Variants in NKAIN2 observed in about 807,000 individuals in gnomAD.
NKAIN2 encodes sodium/potassium transporting ATPase interacting 2, also known as sodium/potassium-transporting ATPase subunit beta-1-interacting protein 2.
Under a neutral mutation model 32.6 loss-of-function variants are expected in NKAIN2, and 14 were observed. That is an observed-to-expected ratio of 0.43 (90% CI 0.28 to 0.67). NKAIN2 has a LOEUF of 0.67. NKAIN2 is among the 30% of genes least tolerant of loss of function. The pLI, the probability that NKAIN2 is intolerant of heterozygous loss-of-function variation, is 0.17. For synonymous variants in NKAIN2, 80 were observed against 87.2 expected (o/e 0.92, Z 0.46); for missense variants, 198 against 258.3 (o/e 0.77, Z 1.60).
At chr6:124,616,437 C>CTTTTTTTTTTTTTTTTTTTTTTTTTTTTT (rs79406895) in intron 3 of NKAIN2, among the ~76,000 whole-genome samples, 1 of 70,444 alleles carries the variant, frequency 1.4e-5, no homozygotes, top group Non-Finnish European at 2.6e-5. Context: ...TCTTTTCTTT[C>CTTTTTTTTTTTTTTTTTTTTTTTTTTTTT]TTTTTTTTTT....
At chr6:124,245,222 C>T (rs1793333127) in intron 1 of NKAIN2, among the ~76,000 whole-genome samples, 2 of 152,170 alleles carry the variant, frequency 1.3e-5, no homozygotes, top group South Asian at 4.1e-4. Context: ...ACATTTAATC[C>T]ATCTGGTTTA....
At chr6:124,606,752 T>C (rs1331585687) in intron 3 of NKAIN2, among the ~76,000 whole-genome samples, 2 of 152,152 alleles carry the variant, frequency 1.3e-5, no homozygotes, top group African/African-American at 4.8e-5. Flanking sequence ...TTAAGTAGCA[T>C]CTATACTGAT....
intron 3 of NKAIN2, among the ~76,000 whole-genome samples, chr6:124,509,466 T>C (rs1778626759): frequency 6.6e-6 from 1 of 152,230 alleles, no homozygotes; most frequent in African/African-American, 2.4e-5. Context: ...TAGGTCATCG[T>C]TGGGCTAATG....
At chr6:124,374,683 C>G (rs1371602921) in intron 3 of NKAIN2, among the ~76,000 whole-genome samples, 1 of 152,094 alleles carries the variant, frequency 6.6e-6, no homozygotes, top group African/African-American at 2.4e-5. Context: ...TTCAGAGTGT[C>G]CTGTCCTACA....
chr6:124,702,514 A>G (rs1774846526), intron 4 of NKAIN2, among the ~76,000 whole-genome samples: 1 of 152,056 alleles, frequency 6.6e-6, no homozygotes, highest in Non-Finnish European at 1.5e-5. Flanking sequence ...TTTTTTAGAT[A>G]CATTACAGTG....
chr6:123,838,056 AAGTT>A (rs1191596656), intron 1 of NKAIN2, among the ~76,000 whole-genome samples: 2 of 152,138 alleles, frequency 1.3e-5, no homozygotes, highest in Non-Finnish European at 2.9e-5. Context: ...ATAGGAGAAA[AAGTT>A]AGCCCTAAAT....
intron 1 of NKAIN2, among the ~76,000 whole-genome samples, chr6:123,907,782 T>A (rs186324985): frequency 6.6e-6 from 1 of 152,178 alleles, no homozygotes; most frequent in Non-Finnish European, 1.5e-5. Context: ...TGGGCAAGAC[T>A]TTCCCCCCTT....
At position 123,809,600 on chromosome 6, in the gene NKAIN2, G is replaced by A. The variant is rs150550607; in HGVS notation, c.54+5346G>A. On this transcript the variant is annotated intron_variant, in intron 1 of 6. Coordinates refer to ENST00000368417, the MANE Select transcript of NKAIN2 (RefSeq NM_001040214.3). ...AATACTGCTGTGCACATGTGCGCACGTAATAAATTTGTTACGCTTTTTCTT... is the reference window on the plus strand; with the variant it reads ...AATACTGCTGTGCACATGTGCGCACATAATAAATTTGTTACGCTTTTTCTT... Among the ~76,000 whole-genome samples, 1,462 of 152,170 alleles carry A rather than the reference G, an allele frequency of 9.6e-3. 20 individuals carry two copies. The highest frequency in any genetic ancestry group is 0.034 in the African/African-American group (1,400 of 41,530).
chr6:124,411,545 A>T (rs636040), intron 3 of NKAIN2, among the ~76,000 whole-genome samples: 22,711 of 151,214 alleles, frequency 0.15, 989 homozygotes, highest in East Asian at 0.22. Flanking sequence ...TTCTGCTGAG[A>T]GATCAGCTGT....
intron 1 of NKAIN2, among the ~76,000 whole-genome samples, chr6:123,945,458 G>C (rs1242471748): frequency 2.6e-5 from 4 of 152,050 alleles, no homozygotes; most frequent in Admixed American, 2.6e-4. Flanking sequence ...AAGAAGGTGA[G>C]ATCCAGGCTG....
At chr6:124,017,846 G>C (rs1366026164) in intron 1 of NKAIN2, among the ~76,000 whole-genome samples, 3 of 152,052 alleles carry the variant, frequency 2.0e-5, no homozygotes, top group Non-Finnish European at 4.4e-5. Context: ...GGTGCACAGT[G>C]TGAGCATTTG....
chr6:124,196,590 T>A (rs931081921), intron 1 of NKAIN2, among the ~76,000 whole-genome samples: 1 of 152,078 alleles, frequency 6.6e-6, no homozygotes, highest in South Asian at 2.1e-4. Flanking sequence ...GCATCTTGGA[T>A]ACACAATTTT....
chr6:123,917,430 T>C (rs1244834367), intron 1 of NKAIN2, among the ~76,000 whole-genome samples: 4 of 152,174 alleles, frequency 2.6e-5, no homozygotes, highest in Admixed American at 1.3e-4. Flanking sequence ...ACAGAATGTG[T>C]ACGTTTAGGC....
At chr6:124,422,188 G>T (rs1339210490) in intron 3 of NKAIN2, among the ~76,000 whole-genome samples, 1 of 151,774 alleles carries the variant, frequency 6.6e-6, no homozygotes, top group Non-Finnish European at 1.5e-5. Context: ...CTGTTATTTG[G>T]CCCAAGATAC....
intron 3 of NKAIN2, among the ~76,000 whole-genome samples, chr6:124,361,705 A>T (rs902303057): frequency 6.6e-6 from 1 of 152,108 alleles, no homozygotes; most frequent in Non-Finnish European, 1.5e-5. Context: ...TCATGTAACA[A>T]TGTGGCTTAT....
At chr6:124,682,748 TAAAA>T (rs1221351837) in intron 4 of NKAIN2, among the ~76,000 whole-genome samples, 1 of 152,164 alleles carries the variant, frequency 6.6e-6, no homozygotes, top group Non-Finnish European at 1.5e-5. Flanking sequence ...TATTGGAACT[TAAAA>T]AAACTCATCA....
At chr6:124,485,209 G>T (rs1193053563) in intron 3 of NKAIN2, among the ~76,000 whole-genome samples, 1 of 152,152 alleles carries the variant, frequency 6.6e-6, no homozygotes, top group Non-Finnish European at 1.5e-5. Context: ...TAGAAATGCA[G>T]TTCTCAGGCT....
intron 3 of NKAIN2, among the ~76,000 whole-genome samples, chr6:124,550,393 G>A (rs1364505847): frequency 6.6e-6 from 1 of 151,036 alleles, no homozygotes; most frequent in African/African-American, 2.4e-5. Flanking sequence ...TTTTTCCTGT[G>A]TATATTCTTG....
rs77343338 is a variant in NKAIN2 at position 124,587,786 on chromosome 6, C to T, written c.274-70400C>T. On this transcript the variant is annotated intron_variant, in intron 3 of 6. Transcript: ENST00000368417. Reference sequence around the variant, plus strand: ...CCAATCAGGCAATTCACTCCACTTCCGTCAGAGGAGTAGTGGTGGGTTTTC... The same window carrying T: ...CCAATCAGGCAATTCACTCCACTTCTGTCAGAGGAGTAGTGGTGGGTTTTC... Among the ~76,000 whole-genome samples, 218 of 152,284 alleles carry T rather than the reference C, an allele frequency of 1.4e-3. 4 individuals are homozygous for T. In the East Asian group the frequency reaches 0.037, roughly 26 times the overall value.
Sources: gnomAD v4.1 joint callset for allele counts (sites outside exome capture counted in the v4.1 genomes callset) on GRCh38, gnomAD v4.1.1 for gene constraint, MANE v1.5 for transcripts, NCBI Gene and HGNC (gene_info 2026-07-23, HGNC 2026-07-21) for gene names.